Variants in GPHN observed in about 807,000 individuals in gnomAD.
The protein encoded by GPHN is gephyrin.
GPHN carries 17 observed loss-of-function variants against 95.5 expected under a neutral mutation model. That is an observed-to-expected ratio of 0.18 (90% confidence interval 0.12 to 0.27). The LOEUF (loss-of-function observed/expected upper bound fraction) is 0.27. GPHN is among the 10% of genes least tolerant of loss of function. The probability of loss-of-function intolerance (pLI) is 1.00; values close to 1 mark genes in which losing one functional copy is unlikely to be tolerated. For synonymous variants in GPHN, 320 were observed against 322.5 expected, an observed-to-expected ratio of 0.99 and a Z score of 0.08; for missense variants, 660 against 978.1, an observed-to-expected ratio of 0.67 and a Z score of 4.34.
chr14:67,111,948 C>T (rs370356457), intron 15 of GPHN, 29 bp downstream of exon 15: 13 of 1,537,708 alleles, frequency 8.5e-6, no homozygotes, highest in Non-Finnish European at 1.1e-5. Context: ...GAATATATAG[C>T]CTACTTTTGT....
At chr14:67,511,499 G>A in the GPHN span, among the ~76,000 whole-genome samples, 3 of 152,118 alleles carry the variant, frequency 2.0e-5, no homozygotes, top group South Asian at 6.2e-4. Flanking sequence ...ACTGGGAGCC[G>A]AGAATCCCGA....
At chr14:67,272,028 G>C in the GPHN span, 1 of 149,792 alleles carries the variant, frequency 6.7e-6, no homozygotes, top group Admixed American at 6.7e-5. Context: ...CCGGGATCGT[G>C]CCATTGCACT....
the GPHN span, among the ~76,000 whole-genome samples, chr14:67,331,259 G>T: frequency 6.6e-6 from 1 of 152,142 alleles, no homozygotes; most frequent in South Asian, 2.1e-4. Flanking sequence ...TGGCCAGGCT[G>T]GTCTCAAGCT....
chr14:66,879,868 G>A (rs563782596), intron 4 of GPHN, 71 bp from the exon 5 acceptor site: 2 of 924,522 alleles, frequency 2.2e-6, no homozygotes, highest in African/African-American at 1.6e-5. Flanking sequence ...TTTTTAAGTG[G>A]GTTTTACTAG....
intron 9 of GPHN, 32 bp downstream of exon 9, chr14:66,965,357 C>T (rs760875957): frequency 6.3e-7 from 1 of 1,599,490 alleles, no homozygotes; most frequent in South Asian, 1.1e-5. Context: ...CTTACACCTG[C>T]TCTTCTATAG....
intron 9 of GPHN, among the ~76,000 whole-genome samples, chr14:67,022,568 GGTGTGTGTGTGTGTGT>G (rs72312422): frequency 3.3e-3 from 69 of 20,880 alleles, no homozygotes; most frequent in Non-Finnish European, 5.3e-3. Flanking sequence ...TTTTTTTTTT[GGTGTGTGTGTGTGTGT>G]GTGTGTGTGT....
At chr14:67,184,323 T>G (rs900335718), downstream of GPHN, among the ~76,000 whole-genome samples, 1 of 152,176 alleles carries the variant, frequency 6.6e-6, no homozygotes, top group Non-Finnish European at 1.5e-5. Context: ...CAGGGACGTA[T>G]CATGATCAGA....
intron 1 of GPHN, among the ~76,000 whole-genome samples, chr14:66,525,236 G>T (rs1384573804): frequency 3.3e-5 from 5 of 152,132 alleles, no homozygotes; most frequent in African/African-American, 1.2e-4. Context: ...TTGCATTTCT[G>T]TAATGACCAG....
chr14:67,733,525 T>C, the GPHN span, among the ~76,000 whole-genome samples: 1 of 152,272 alleles, frequency 6.6e-6, no homozygotes, highest in Non-Finnish European at 1.5e-5. Context: ...GACCTGGTAC[T>C]AGATCTTGTT....
At chr14:67,573,260 C>G in the GPHN span, 1 of 1,534,316 alleles carries the variant, frequency 6.5e-7, no homozygotes, top group Admixed American at 1.7e-5. The surrounding 1 kb of genome is among the most constrained non-coding windows in gnomAD (Gnocchi z 4.8). Context: ...TTCATCTACA[C>G]CCTTCCACCC....
the GPHN span, among the ~76,000 whole-genome samples, chr14:67,267,157 A>G: frequency 6.6e-6 from 1 of 152,152 alleles, no homozygotes; most frequent in African/African-American, 2.4e-5. Context: ...TTGAGATATA[A>G]TTTACATGCA....
chr14:67,520,009 C>T, the GPHN span, among the ~76,000 whole-genome samples: 155 of 152,322 alleles, frequency 1.0e-3, no homozygotes, highest in Non-Finnish European at 1.8e-3. Context: ...AGGCGTGAGC[C>T]ACCATGCCTG....
At chr14:66,949,145 G>A (rs1340317556) in intron 8 of GPHN, among the ~76,000 whole-genome samples, 3 of 152,040 alleles carry the variant, frequency 2.0e-5, no homozygotes, top group Non-Finnish European at 2.9e-5. Context: ...GAGTGCAGTG[G>A]CACAATCTCA....
chr14:67,631,373 C>G, the GPHN span, among the ~76,000 whole-genome samples: 1 of 151,878 alleles, frequency 6.6e-6, no homozygotes, highest in Non-Finnish European at 1.5e-5. Flanking sequence ...TTATTGAAAC[C>G]AACACTATTC....
chr14:66,945,457 C>G (rs1454836741), intron 8 of GPHN, among the ~76,000 whole-genome samples: 1 of 152,078 alleles, frequency 6.6e-6, no homozygotes, highest in East Asian at 1.9e-4. Context: ...ATACAGTGGA[C>G]TTTGGGGACT....
At chr14:67,719,918 A>G in the GPHN span, among the ~76,000 whole-genome samples, 3 of 152,230 alleles carry the variant, frequency 2.0e-5, no homozygotes, top group East Asian at 1.9e-4. Context: ...CTGCTATAAT[A>G]TACAATGCTA....
chr14:66,969,626 C>T (rs1203194419), intron 9 of GPHN: 2 of 152,070 alleles, frequency 1.3e-5, no homozygotes, highest in African/African-American at 4.8e-5. Context: ...ATGGCAAAAC[C>T]CCATCTCTAC....
the GPHN span, among the ~76,000 whole-genome samples, chr14:67,266,010 T>A: frequency 6.6e-6 from 1 of 152,164 alleles, no homozygotes; most frequent in East Asian, 1.9e-4. Context: ...GGTCTCACTG[T>A]GTTGCCAAGG....
chr14:67,021,520 A>AT (rs539360060), intron 9 of GPHN, among the ~76,000 whole-genome samples: 1,828 of 152,156 alleles, frequency 0.012, 19 homozygotes, highest in Non-Finnish European at 0.018. Flanking sequence ...TTGCTTGTTA[A>AT]TTTTTTAAGT....
Sources: allele counts gnomAD v4.1 joint callset (sites outside exome capture counted in the v4.1 genomes callset), GRCh38; gene constraint gnomAD v4.1.1; non-coding constraint Gnocchi (gnomAD v3.1); transcripts MANE v1.5; gene names NCBI Gene and HGNC (gene_info 2026-07-23, HGNC 2026-07-21).